CFAP70: variants seen among roughly 807,000 people sequenced by gnomAD.
The protein encoded by CFAP70 is cilia and flagella associated protein 70, also known as cilia- and flagella-associated protein 70.
Under a neutral mutation model 137.6 loss-of-function variants are expected in CFAP70, and 81 were observed. That is an observed-to-expected ratio of 0.59 (90% confidence interval 0.49 to 0.71). CFAP70 has a LOEUF of 0.71. CFAP70 is among the 30% of genes least tolerant of loss of function. The probability of loss-of-function intolerance (pLI) is 0.00; values close to 1 mark genes in which losing one functional copy is unlikely to be tolerated. For synonymous variants in CFAP70, 382 were observed against 423.6 expected, an observed-to-expected ratio of 0.90 and a Z score of 1.20; for missense variants, 976 against 1,226.7, an observed-to-expected ratio of 0.80 and a Z score of 3.05.
Position 73,316,398 on chromosome 10 carries a change from GTTC to G in CFAP70, c.913-3758_913-3756del, listed in dbSNP as rs531987973. 4.3e-3 allele frequency among the ~76,000 whole-genome samples: 613 copies of G among 142,118 alleles called. 2 individuals are homozygous for G. Among genetic ancestry groups the G allele is most frequent in the Non-Finnish European group, 6.8e-3 (448 of 65,888 alleles). The allele number at this position is 142,118 out of a possible 152,430, so 93.2% of individuals were successfully genotyped here. The stretch of plus-strand genomic sequence containing the variant: ...TATATCATCTGTTTTTTGTTGTTCT[GTTC>G]TTCCTTTAACTACCTTATGTTAAAT... On this transcript the variant is annotated intron_variant, in intron 9 of 26. Coordinates refer to ENST00000310715, the Ensembl canonical transcript of CFAP70.
chr10:73,300,047 A>G (rs149998461), intron 12 of CFAP70, among the ~76,000 whole-genome samples: 51 of 152,346 alleles, frequency 3.3e-4, no homozygotes, highest in African/African-American at 1.2e-3. Flanking sequence ...CTCTGAAAGC[A>G]GAATGATTTG....
chr10:73,283,173 T>G (rs1421172894), intron 19 of CFAP70, among the ~76,000 whole-genome samples: 1 of 152,296 alleles, frequency 6.6e-6, no homozygotes, highest in Non-Finnish European at 1.5e-5. Context: ...TACTGATAAC[T>G]AGTTTGGTTC....
chr10:73,341,492 G>A (rs2053248325), exon 6 of CFAP70: 1 of 1,614,170 alleles, frequency 6.2e-7, no homozygotes, highest in Non-Finnish European at 8.5e-7. Flanking sequence ...CCAGAATGTT[G>A]GCAATTGGCC....
At chr10:73,342,973 G>A (rs2053390258) in intron 5 of CFAP70, among the ~76,000 whole-genome samples, 1 of 152,094 alleles carries the variant, frequency 6.6e-6, no homozygotes, top group Non-Finnish European at 1.5e-5. Flanking sequence ...CACTTTGGGA[G>A]GCCGAGGTGG....
exon 26 of CFAP70, chr10:73,256,413 C>T: frequency 6.2e-7 from 1 of 1,613,948 alleles, no homozygotes; most frequent in South Asian, 1.1e-5. Context: ...AATTGCCGTC[C>T]AACCTGAAAA....
chr10:73,326,936 G>C (rs1203259226), intron 8 of CFAP70, among the ~76,000 whole-genome samples: 4 of 151,464 alleles, frequency 2.6e-5, no homozygotes, highest in Non-Finnish European at 5.9e-5. Flanking sequence ...CATTCCTTCT[G>C]AAACTATTCC....
chr10:73,258,593 T>C (rs1389603073), intron 25 of CFAP70, among the ~76,000 whole-genome samples: 3 of 152,180 alleles, frequency 2.0e-5, no homozygotes, highest in African/African-American at 7.2e-5. Flanking sequence ...ACAAGGGAAA[T>C]AACTATTGGG....
At chr10:73,268,967 G>A (rs368718408) in intron 25 of CFAP70, among the ~76,000 whole-genome samples, 3 of 152,180 alleles carry the variant, frequency 2.0e-5, no homozygotes, top group Non-Finnish European at 2.9e-5. Context: ...GGTTACAAAC[G>A]TGAGCCACTA....
chr10:73,331,322 G>T (rs767546811), intron 7 of CFAP70, 46 bp from the exon 9 acceptor site: 2 of 1,481,662 alleles, frequency 1.3e-6, no homozygotes, highest in African/African-American at 1.4e-5. Flanking sequence ...CAAAAATAAA[G>T]TCAGTATAAT....
intron 12 of CFAP70, among the ~76,000 whole-genome samples, chr10:73,305,925 C>T (rs190514998): frequency 4.0e-5 from 6 of 151,722 alleles, no homozygotes; most frequent in East Asian, 3.9e-4. Context: ...AAGGAAGCCA[C>T]GGACAAAACA....
At chr10:73,338,143 ATT>A (rs550084202) in intron 6 of CFAP70, among the ~76,000 whole-genome samples, 15 of 129,646 alleles carry the variant, frequency 1.2e-4, no homozygotes, top group Non-Finnish European at 9.8e-5. Context: ...ATATATGCGG[ATT>A]TTTTTTTTTT....
At chr10:73,284,798 AT>A (rs2047556813) in intron 19 of CFAP70, among the ~76,000 whole-genome samples, 3 of 80,392 alleles carry the variant, frequency 3.7e-5, no homozygotes, top group Admixed American at 1.4e-4. Flanking sequence ...ATATATATAT[AT>A]ATATAAAAGT....
intron 5 of CFAP70, 89 bp from the exon 7 acceptor site, chr10:73,341,670 G>T: frequency 8.6e-7 from 1 of 1,166,094 alleles, no homozygotes; most frequent in Non-Finnish European, 1.2e-6. Context: ...TCAATGGAAT[G>T]CTGAGTGTTA....
In CFAP70 at chr10:73,254,016, T is replaced by G. The variant is rs1217798342; in HGVS notation, c.3115A>C (p.Thr1039Pro). 2.5e-6 allele frequency: 4 copies of G among 1,604,684 alleles called. No homozygotes were observed. The African/African-American group carries it at 4.0e-5, about 16-fold the overall frequency. Residue 1039 changes from threonine (T) to proline (P), a missense_variant, in exon 27 of 27, where the codon ACA (threonine) becomes CCA (proline). Thr to Pro is a conservative substitution (Grantham distance 38). Coordinates refer to ENST00000310715, the Ensembl canonical transcript of CFAP70. ...CCAAAGCCAACTGTTTCCTGTAGTG[T>G]GTGGATCTCTGCAAGCAGAGCCTCA...
At chr10:73,335,729 C>T (rs977837721) in intron 6 of CFAP70, among the ~76,000 whole-genome samples, 24 of 151,710 alleles carry the variant, frequency 1.6e-4, no homozygotes, top group African/African-American at 5.8e-4. Context: ...AGATAAATTA[C>T]ATATATAATA....
chr10:73,324,566 G>T (rs1177095136), intron 8 of CFAP70, among the ~76,000 whole-genome samples: 1 of 152,054 alleles, frequency 6.6e-6, no homozygotes, highest in Non-Finnish European at 1.5e-5. Flanking sequence ...CAAACCAAAG[G>T]CAAAGAAGTT....
rs575194575 is a variant in CFAP70, at chr10:73,324,116, C to A, written c.778-1019G>T. ...GGGGCAGACTGACACCTCACACTGC[C>A]GGGTACTCCTCTGAGACAAAACTTC... On this transcript the variant is annotated intron_variant, in intron 8 of 26. Transcript: ENST00000310715. 4.9e-4 allele frequency among the ~76,000 whole-genome samples: 74 copies of A among 152,244 alleles called. No individual in the cohort carries two copies. In the South Asian group the frequency reaches 0.011, roughly 22 times the overall value.
intron 1 of CFAP70, among the ~76,000 whole-genome samples, chr10:73,355,992 T>C (rs2054649034): frequency 6.6e-6 from 1 of 152,100 alleles, no homozygotes; most frequent in Non-Finnish European, 1.5e-5. Flanking sequence ...CAAAGCTCCC[T>C]TCAAACATTA....
At chr10:73,316,512 A>ATATC (rs1439610588) in intron 9 of CFAP70, among the ~76,000 whole-genome samples, 2 of 143,892 alleles carry the variant, frequency 1.4e-5, no homozygotes, top group African/African-American at 5.2e-5. Context: ...ATATATATAT[A>ATATC]TGACGTACAC....
Sources: gnomAD v4.1 joint callset for allele counts (sites outside exome capture counted in the v4.1 genomes callset) on GRCh38, gnomAD v4.1.1 for gene constraint, MANE v1.5 for transcripts, NCBI Gene and HGNC (gene_info 2026-07-23, HGNC 2026-07-21) for gene names.